Variants in DGKA observed in about 807,000 individuals in gnomAD.
The protein encoded by DGKA is diacylglycerol kinase alpha.
In DGKA, 35 loss-of-function variants were observed where a neutral mutation model predicts 105.0. That is an observed-to-expected ratio of 0.33 (90% CI 0.25 to 0.44). The LOEUF (loss-of-function observed/expected upper bound fraction) is 0.44. Ranked by LOEUF, DGKA falls within the 20% of genes least tolerant of loss-of-function variation. The pLI is 1.00. For synonymous variants in DGKA, 296 were observed against 332.0 expected, an observed-to-expected ratio of 0.89 and a Z score of 1.18; for missense variants, 665 against 915.0, an observed-to-expected ratio of 0.73 and a Z score of 3.53.
chr12:55,927,957 A>G, upstream of DGKA: 1 of 642,072 alleles, frequency 1.6e-6, no homozygotes, highest in South Asian at 2.1e-5. Context: ...GGACCTACTT[A>G]GTATTCTAAT....
At chr12:55,935,942 G>A in intron 1 of DGKA, 1 of 986,716 alleles carries the variant, frequency 1.0e-6, no homozygotes, top group Non-Finnish European at 1.2e-6. Flanking sequence ...TCATGGCCAG[G>A]AAGACGCGCT....
chr12:55,952,619 C>A lies in DGKA; in HGVS notation c.1744-115C>A. On this transcript the variant is annotated intron_variant, in intron 20 of 23. Coordinates refer to ENST00000331886, the MANE Select transcript of DGKA (RefSeq NM_001345.5). This position sits in a 1 kb window ranked among gnomAD's most constrained non-coding sequence, Gnocchi z 5.1. ...CCTATTTCCATTCCTTGCACACCTC[C>A]AAATCCTGCCTTCTCCAGTTTGTCA... is the stretch of plus-strand genomic sequence containing the variant. 1 of 1,351,256 alleles carries A rather than the reference C, an allele frequency of 7.4e-7. No homozygotes were observed. The highest frequency in any genetic ancestry group is 1.0e-6 in the Non-Finnish European group (1 of 956,018). 83.7% of individuals were successfully genotyped at this position (1,351,256 alleles called of 1,614,324 possible).
chr12:55,932,675 T>C lies in DGKA; in HGVS notation c.-82+1331T>C, dbSNP rs1883846805. 1.5e-6 allele frequency: 1 copy of C among 685,638 alleles called. No individual in the cohort carries two copies. The highest frequency in any genetic ancestry group is 1.5e-5 in the South Asian group (1 of 65,836). 42.5% of individuals were successfully genotyped at this position (685,638 alleles called of 1,614,324 possible). On this transcript the variant is annotated intron_variant, in intron 1 of 23. Transcript: ENST00000331886. This position sits in a 1 kb window ranked among gnomAD's most constrained non-coding sequence, Gnocchi z 4.3. The stretch of plus-strand genomic sequence containing the variant: ...CCAGTATCGTAACTTCCTCCTATAC[T>C]ACGCAATGACACCCTCTACACACAC...
chr12:55,939,119 G>C (rs1386188276), intron 7 of DGKA, 67 bp from the exon 8 acceptor site: 3 of 1,605,652 alleles, frequency 1.9e-6, no homozygotes, highest in Admixed American at 3.4e-5. Flanking sequence ...TATCCTAAGA[G>C]GCAGTGGAGA....
intron 17 of DGKA, among the ~76,000 whole-genome samples, chr12:55,949,826 T>C (rs571962962): frequency 1.3e-4 from 20 of 152,218 alleles, no homozygotes; most frequent in South Asian, 4.1e-4. Flanking sequence ...TTTTTGTTTC[T>C]TTCTTTGTTT....
Position 55,932,154 on chromosome 12 carries a change from A to C in DGKA, c.-82+810A>C. On this transcript the variant is annotated intron_variant, in intron 1 of 23. Transcript: ENST00000331886. The surrounding 1 kb of genome is among the most constrained non-coding windows in gnomAD (Gnocchi z 4.3). ...GACCCCGCGAGCCCCCCAGCGCCCC[A>C]CCCTCCCCCATCGGAAAAGGACAGG... The C allele has an allele frequency of 1.4e-5, 3 of 206,910 alleles. No homozygotes were observed. The highest frequency in any genetic ancestry group is 6.7e-5 in the South Asian group (1 of 14,878). 12.8% of individuals were successfully genotyped at this position (206,910 alleles called of 1,614,324 possible).
chr12:55,939,287 G>A lies in DGKA; in HGVS notation c.576G>A (p.Val192=), dbSNP rs748255994. Residue 192 remains valine (V), a synonymous_variant, in exon 8 of 24, where the codon GTG becomes GTA. Coordinates refer to ENST00000331886, the MANE Select transcript of DGKA (RefSeq NM_001345.5). ...GGGCCACCACCGTGCCACTGCTAGTGCTGCTGGGTCTGGAGATGGTGAGTA... is the reference window on the plus strand; with the variant it reads ...GGGCCACCACCGTGCCACTGCTAGTACTGCTGGGTCTGGAGATGGTGAGTA... The part of the protein sequence containing the change: ...RAGATTVPLL[V]LLGLEMTLKD... The A allele has an allele frequency of 3.7e-6, 6 of 1,614,128 alleles. No individual in the cohort carries two copies. Among genetic ancestry groups the A allele is most frequent in the Admixed American group, 1.7e-5 (1 of 60,014 alleles).
Position 55,940,038 on chromosome 12 carries a change from G to C in DGKA, c.710-44G>C. On this transcript the variant is annotated intron_variant, in intron 9 of 23. Coordinates refer to ENST00000331886, the MANE Select transcript of DGKA (RefSeq NM_001345.5). This position sits in a 1 kb window ranked among gnomAD's most constrained non-coding sequence, Gnocchi z 4.3. ...ACCCTCAGGTAAGAAGGAAATAGGG[G>C]GAGAGGCTCAGCTAAGCCTCCCAAC... 6.6e-7 allele frequency: 1 copy of C among 1,514,406 alleles called. No homozygotes were observed. The highest frequency in any genetic ancestry group is 9.2e-7 in the Non-Finnish European group (1 of 1,089,830). 93.8% of individuals were successfully genotyped at this position (1,514,406 alleles called of 1,614,324 possible). A position where few individuals can be genotyped will look rare whatever the true frequency, so the allele number is the denominator to read the frequency against.
At position 55,937,898 on chromosome 12, in the gene DGKA, G is replaced by C. The variant is rs896426901; in HGVS notation, c.275-80G>C. On this transcript the variant is annotated intron_variant, in intron 4 of 23. Coordinates refer to ENST00000331886, the MANE Select transcript of DGKA (RefSeq NM_001345.5). ...AGTAAATCTTTTTTTTAAAAAAAGG[G>C]AGAGGTGGGACAAACAAAGGATAAA... 205 of 1,251,646 alleles carry C rather than the reference G, an allele frequency of 1.6e-4. 1 individual carries two copies. The highest frequency in any genetic ancestry group is 2.3e-4 in the Non-Finnish European group (196 of 865,344). The allele number at this position is 1,251,646 out of a possible 1,614,324, so 77.5% of individuals were successfully genotyped here.
At chr12:55,946,949 TTTTTTC>T (rs1160754165) in intron 17 of DGKA, among the ~76,000 whole-genome samples, 1 of 151,900 alleles carries the variant, frequency 6.6e-6, no homozygotes, top group Non-Finnish European at 1.5e-5. Flanking sequence ...AGTGGAGACT[TTTTTTC>T]TTTTTCTTTT....
intron 17 of DGKA, among the ~76,000 whole-genome samples, chr12:55,950,028 G>A (rs1221575566): frequency 6.6e-6 from 1 of 151,462 alleles, no homozygotes; most frequent in Middle Eastern, 3.2e-3. Context: ...AGGCTGGAGT[G>A]CAGTGGCGCA....
At chr12:55,948,998 G>C (rs1887613165) in intron 17 of DGKA, among the ~76,000 whole-genome samples, 1 of 151,798 alleles carries the variant, frequency 6.6e-6, no homozygotes, top group South Asian at 2.1e-4. Context: ...CTCTAGTTTG[G>C]GCAACAGAGC....
upstream of DGKA, chr12:55,928,032 T>C (rs1363353252): frequency 3.9e-6 from 2 of 515,062 alleles, no homozygotes; most frequent in Non-Finnish European, 6.9e-6. Flanking sequence ...TCCCGTAGTG[T>C]CACTCCATTT....
rs1255331120 is a variant in DGKA at position 55,953,966 on chromosome 12, C to A, written c.*198C>A. 38 of 633,268 alleles carry A rather than the reference C, an allele frequency of 6.0e-5. 1 individual carries two copies. In the South Asian group the frequency reaches 7.1e-4, roughly 12 times the overall value. 39.2% of individuals were successfully genotyped at this position (633,268 alleles called of 1,614,324 possible). Reference sequence around the variant, plus strand: ...ACATACACACACCCCAAAACACATACATTGAAAGTGCCTCATCTGAATAAA... The same window carrying A: ...ACATACACACACCCCAAAACACATAAATTGAAAGTGCCTCATCTGAATAAA... On this transcript the variant is annotated 3_prime_UTR_variant, in exon 24 of 24. Transcript: ENST00000331886.
Position 55,935,849 on chromosome 12 carries a change from G to C in DGKA, c.-81-574G>C, listed in dbSNP as rs565992780. On this transcript the variant is annotated intron_variant, in intron 1 of 23. Coordinates refer to ENST00000331886, the MANE Select transcript of DGKA (RefSeq NM_001345.5). The stretch of plus-strand genomic sequence containing the variant: ...TGTGTCGCGCGTCAGAAGCGCTAGA[G>C]GTCGTTGCGTGGCGTGGGTGGCTCG... 6.1e-6 allele frequency: 6 copies of C among 983,244 alleles called. No individual in the cohort carries two copies. The East Asian group carries it at 6.8e-4, about 112-fold the overall frequency. The allele number at this position is 983,244 out of a possible 1,614,324, so 60.9% of individuals were successfully genotyped here.
chr12:55,943,348 T>A (rs1483516725), intron 17 of DGKA: 1 of 152,032 alleles, frequency 6.6e-6, no homozygotes, highest in Non-Finnish European at 1.5e-5. Context: ...CCATCTCAGC[T>A]CACTGCAACC....
Position 55,941,529 on chromosome 12 carries a change from T to C in DGKA, c.1195T>C (p.Tyr399His), listed in dbSNP as rs747705362. 4 of 1,614,010 alleles carry C rather than the reference T, an allele frequency of 2.5e-6. No homozygotes were observed. The highest frequency in any genetic ancestry group is 3.4e-6 in the Non-Finnish European group (4 of 1,180,036). Residue 399 changes from tyrosine (Y) to histidine (H), a missense_variant, in exon 15 of 24, where the codon TAT becomes CAT. Around this residue, in one of 3 missense-constraint regions of DGKA, gnomAD observed 504 missense variants for 681.2 expected, o/e 0.74. Coordinates refer to ENST00000331886, the MANE Select transcript of DGKA (RefSeq NM_001345.5). ...ACACAGGGTGCTCTGGAAGTTCCAG[T>C]ATATATTAAACCCTCGACAGGTGTT... is the stretch of plus-strand genomic sequence containing the variant. The part of the protein sequence containing the change: ...QGQRVLWKFQ[Y>H]ILNPRQVFNL...
In DGKA at chr12:55,952,306, C is replaced by A; in HGVS notation, c.1653-35C>A. 6.2e-7 allele frequency: 1 copy of A among 1,604,464 alleles called. No individual in the cohort carries two copies. The highest frequency in any genetic ancestry group is 1.1e-5 in the South Asian group (1 of 90,846). ...CCCTGCCAGCACTGTGTAACCTGTCCCTCCCTACTGGGCCTTGTGTTGGGG... is the reference window on the plus strand; with the variant it reads ...CCCTGCCAGCACTGTGTAACCTGTCACTCCCTACTGGGCCTTGTGTTGGGG... On this transcript the variant is annotated intron_variant, in intron 19 of 23. Coordinates refer to ENST00000331886, the MANE Select transcript of DGKA (RefSeq NM_001345.5). This position sits in a 1 kb window ranked among gnomAD's most constrained non-coding sequence, Gnocchi z 5.1.
chr12:55,948,400 CGA>C (rs1887471799), intron 17 of DGKA, among the ~76,000 whole-genome samples: 1 of 137,022 alleles, frequency 7.3e-6, no homozygotes, highest in African/African-American at 2.8e-5. Flanking sequence ...GACTCCATCT[CGA>C]AAAAAAAAAA....
Sources: gnomAD v4.1 joint callset for allele counts (sites outside exome capture counted in the v4.1 genomes callset) on GRCh38, gnomAD v4.1.1 for gene constraint, gnomAD v4.1.1 regional missense constraint, Gnocchi (gnomAD v3.1) non-coding constraint, MANE v1.5 for transcripts, NCBI Gene and HGNC (gene_info 2026-07-23, HGNC 2026-07-21) for gene names.